The following SVOPL variants were observed in gnomAD, a reference collection of about 807,000 sequenced individuals.
The protein encoded by SVOPL is putative transporter SVOPL.
In SVOPL, 60 loss-of-function variants were observed where a neutral mutation model predicts 61.0. The observed-to-expected ratio is 0.98, with a 90% CI of 0.80 to 1.22. The LOEUF (loss-of-function observed/expected upper bound fraction) is 1.22. Ranked by LOEUF, SVOPL falls within the 50% of genes most tolerant of loss-of-function variation. The probability of loss-of-function intolerance (pLI) is 0.00; values close to 1 mark genes in which losing one functional copy is unlikely to be tolerated. For missense variants in SVOPL, 662 were observed against 643.9 expected (o/e 1.03, Z -0.30); for synonymous variants, 279 against 250.0 (o/e 1.12, Z -1.09).
At chr7:138,622,145 T>TCGACAGAGTCTCACTCTTTCG in intron 13 of SVOPL, among the ~76,000 whole-genome samples, 1 of 134,270 alleles carries the variant, frequency 7.4e-6, no homozygotes, top group Non-Finnish European at 1.7e-5. Flanking sequence ...TATGTATCTA[T>TCGACAGAGTCTCACTCTTTCG]CTATGTATCT....
At chr7:138,671,444 T>C (rs927122161) in intron 4 of SVOPL, among the ~76,000 whole-genome samples, 2 of 152,218 alleles carry the variant, frequency 1.3e-5, no homozygotes, top group Non-Finnish European at 2.9e-5. Context: ...TCCTCCCAGA[T>C]GCAAGCAATT....
intron 9 of SVOPL, among the ~76,000 whole-genome samples, chr7:138,634,186 G>A (rs1800354335): frequency 6.6e-6 from 1 of 152,114 alleles, no homozygotes; most frequent in Admixed American, 6.6e-5. Flanking sequence ...ATTATCCTTG[G>A]ATCCTGTTCT....
chr7:138,604,853 C>T lies in SVOPL; in HGVS notation c.1354-8323G>A, dbSNP rs546902113. ...AACAAATGGGGTTGATAAATTGATG[C>T]ATGAAATATTTTATTTTACGAAAAA... On this transcript the variant is annotated intron_variant, in intron 14 of 15. Transcript: ENST00000674285. Among the ~76,000 whole-genome samples, 957 of 151,826 alleles carry T rather than the reference C, an allele frequency of 6.3e-3. 10 individuals carry two copies. Among genetic ancestry groups the T allele is most frequent in the African/African-American group, 0.021 (887 of 41,444 alleles).
intron 14 of SVOPL, among the ~76,000 whole-genome samples, chr7:138,611,114 C>T (rs953389317): frequency 2.6e-5 from 4 of 152,290 alleles, no homozygotes; most frequent in South Asian, 4.1e-4. Flanking sequence ...CAGTGGCTCA[C>T]GCCTGTAATC....
At chr7:138,637,469 G>GATATCTATATAT in intron 9 of SVOPL, among the ~76,000 whole-genome samples, 1 of 29,438 alleles carries the variant, frequency 3.4e-5, no homozygotes, top group South Asian at 3.1e-3. Context: ...TATATATATA[G>GATATCTATATAT]ATATAGATAT....
intron 10 of SVOPL, among the ~76,000 whole-genome samples, chr7:138,628,624 T>C (rs1800012783): frequency 6.6e-6 from 1 of 152,166 alleles, no homozygotes; most frequent in South Asian, 2.1e-4. Flanking sequence ...TACCTCCAGT[T>C]TTTCAAAGTG....
intron 1 of SVOPL, chr7:138,689,330 C>G: frequency 1.9e-6 from 3 of 1,591,660 alleles, no homozygotes; most frequent in Non-Finnish European, 2.6e-6. Flanking sequence ...TTGAGCATAT[C>G]CAAGTGAACA....
chr7:138,610,315 T>G (rs1798942989), intron 14 of SVOPL, among the ~76,000 whole-genome samples: 1 of 151,918 alleles, frequency 6.6e-6, no homozygotes, highest in Non-Finnish European at 1.5e-5. Flanking sequence ...GAGCAGGCTA[T>G]AAAAAGTACT....
At chr7:138,663,604 T>G (rs1802106943) in intron 4 of SVOPL, 1 of 989,370 alleles carries the variant, frequency 1.0e-6, no homozygotes, top group African/African-American at 1.7e-5. Flanking sequence ...AGAACATTCA[T>G]AAGTCCTAAG....
chr7:138,655,223 G>A (rs1252035532), intron 7 of SVOPL, among the ~76,000 whole-genome samples: 1 of 152,070 alleles, frequency 6.6e-6, no homozygotes, highest in African/African-American at 2.4e-5. Context: ...ATCAGAGCCA[G>A]CTGGGCACAG....
rs187740796 is a variant in SVOPL at position 138,609,241 on chromosome 7, C to T, written c.1353+11805G>A. Among the ~76,000 whole-genome samples, 240 of 152,258 alleles carry T rather than the reference C, an allele frequency of 1.6e-3. 1 individual carries two copies. The highest frequency in any genetic ancestry group is 5.4e-3 in the African/African-American group (224 of 41,540). The stretch of plus-strand genomic sequence containing the variant: ...AGGCTCTCAGGCACTGGGACAAGCT[C>T]GCCCAAGAGGACTTGAGCACAATGT... On this transcript the variant is annotated intron_variant, in intron 14 of 15. Transcript: ENST00000674285.
intron 9 of SVOPL, among the ~76,000 whole-genome samples, chr7:138,637,011 T>C (rs750037889): frequency 2.6e-5 from 4 of 152,194 alleles, no homozygotes; most frequent in Non-Finnish European, 4.4e-5. Context: ...ATCCTTTTCT[T>C]GACAACTTGA....
intron 8 of SVOPL, among the ~76,000 whole-genome samples, chr7:138,646,945 AT>A (rs1327105075): frequency 2.0e-5 from 3 of 152,222 alleles, no homozygotes; most frequent in South Asian, 2.1e-4. Context: ...AGTGCACTGC[AT>A]AGAAGGCACT....
chr7:138,619,409 G>GA lies in SVOPL; in HGVS notation c.1353+1636dup, dbSNP rs199944029. 2.6e-3 allele frequency among the ~76,000 whole-genome samples: 379 copies of GA among 144,554 alleles called. 3 individuals carry two copies. The highest frequency in any genetic ancestry group is 8.1e-3 in the African/African-American group (319 of 39,394). The allele number at this position is 144,554 out of a possible 152,430, so 94.8% of individuals were successfully genotyped here. A position where few individuals can be genotyped will look rare whatever the true frequency, so the allele number is the denominator to read the frequency against. Reference sequence around the variant, plus strand: ...GAGCGAGACCCTGTCTCTGGAAAAAGAAAAAAAAAATGACAACTTTTTTCA... The same window carrying GA: ...GAGCGAGACCCTGTCTCTGGAAAAAGAAAAAAAAAAATGACAACTTTTTTCA... On this transcript the variant is annotated intron_variant, in intron 14 of 15. Transcript: ENST00000674285.
chr7:138,682,827 G>A (rs1026217210), intron 1 of SVOPL, among the ~76,000 whole-genome samples: 1 of 151,906 alleles, frequency 6.6e-6, no homozygotes, highest in African/African-American at 2.4e-5. Flanking sequence ...AATTAGCCAG[G>A]CGTGATGGTG....
At chr7:138,596,024 C>T (rs1297929754) in intron 15 of SVOPL, among the ~76,000 whole-genome samples, 1 of 151,706 alleles carries the variant, frequency 6.6e-6, no homozygotes, top group African/African-American at 2.4e-5. Flanking sequence ...CTCGTCTCTA[C>T]CAAAAATACA....
At chr7:138,663,427 T>G in intron 4 of SVOPL, 1 of 1,310,852 alleles carries the variant, frequency 7.6e-7, no homozygotes, top group African/African-American at 1.5e-5. Context: ...TCCACTCTAT[T>G]CAGATGTGTA....
chr7:138,615,605 GCCAACAT>G (rs1165746337), intron 14 of SVOPL, among the ~76,000 whole-genome samples: 1 of 79,986 alleles, frequency 1.3e-5, no homozygotes, highest in Non-Finnish European at 2.8e-5. Context: ...GACCAGCCTG[GCCAACAT>G]GGTAAAATCC....
In SVOPL at chr7:138,639,126, A is replaced by G. The variant is rs531613058; in HGVS notation, c.789+5591T>C. ...AAAAATTAACTGGGCATGGTGGCAT[A>G]TGCCTGTAGTCCCAGCTACTTGGGG... On this transcript the variant is annotated intron_variant, in intron 9 of 15. Transcript: ENST00000674285. 2.0e-3 allele frequency among the ~76,000 whole-genome samples: 308 copies of G among 152,106 alleles called. 1 individual carries two copies. The highest frequency in any genetic ancestry group is 7.0e-3 in the African/African-American group (289 of 41,500).
Sources: gnomAD v4.1 joint callset for allele counts (sites outside exome capture counted in the v4.1 genomes callset) on GRCh38, gnomAD v4.1.1 for gene constraint, MANE v1.5 for transcripts, NCBI Gene and HGNC (gene_info 2026-07-23, HGNC 2026-07-21) for gene names.